The following SPARCL1 variants were observed in gnomAD, a reference collection of about 807,000 sequenced individuals.
SPARCL1 encodes the protein SPARC-like protein 1.
A neutral mutation model predicts 67.1 loss-of-function variants in SPARCL1; 52 were observed. That is an observed-to-expected ratio of 0.78 (90% CI 0.62 to 0.98). The LOEUF (loss-of-function observed/expected upper bound fraction) is 0.98. SPARCL1 is among the 50% of genes least tolerant of loss of function. The pLI is 0.00. For synonymous variants in SPARCL1, 226 were observed against 267.8 expected, an observed-to-expected ratio of 0.84 and a Z score of 1.52; for missense variants, 717 against 782.4, an observed-to-expected ratio of 0.92 and a Z score of 1.00.
chr4:87,478,572 G>A (rs376578483), intron 10 of SPARCL1, among the ~76,000 whole-genome samples: 42 of 151,936 alleles, frequency 2.8e-4, no homozygotes, highest in Admixed American at 7.9e-4. Context: ...CGAGTAGCTG[G>A]GATTACAGGC....
Position 87,482,483 on chromosome 4 carries a change from G to A in SPARCL1, c.1609C>T (p.Gln537Ter), listed in dbSNP as rs1334926011. 2 of 1,613,962 alleles carry A rather than the reference G, an allele frequency of 1.2e-6. No individual in the cohort carries two copies. Among genetic ancestry groups the A allele is most frequent in the South Asian group, 1.1e-5 (1 of 91,078 alleles). ...MRDWLKNILM[Q>*]LYEANSEHAG... ...TGTTCAGAGTTGGCTTCATAAAGCT[G>A]CATGAGGATATTCTTGAGCCAGTCT... Residue 537 changes from glutamine to a stop codon, truncating the protein, a stop_gained, in exon 8 of 11, where the codon CAG becomes TAG. Transcript: ENST00000282470. LOFTEE classifies it high-confidence loss of function.
chr4:87,473,668 C>T lies in SPARCL1; in HGVS notation c.*107G>A. 1.3e-6 allele frequency: 1 copy of T among 758,620 alleles called. No individual in the cohort carries two copies. The highest frequency in any genetic ancestry group is 2.2e-6 in the Non-Finnish European group (1 of 462,930). 47.0% of individuals were successfully genotyped at this position (758,620 alleles called of 1,614,324 possible). A position where few individuals can be genotyped will look rare whatever the true frequency, so the allele number is the denominator to read the frequency against. ...TACTCTCATTGTCTTGTCATACATG[C>T]TAACATTTTGCTAAATATAAATCTA... On this transcript the variant is annotated 3_prime_UTR_variant, in exon 11 of 11. Transcript: ENST00000282470.
At chr4:87,516,741 C>T (rs1016172313) in intron 1 of SPARCL1, among the ~76,000 whole-genome samples, 4 of 152,154 alleles carry the variant, frequency 2.6e-5, no homozygotes, top group African/African-American at 4.8e-5. Context: ...CTTGCTCAGG[C>T]GAAACTAGTC....
At chr4:87,525,762 A>C (rs1335551455) in intron 1 of SPARCL1, among the ~76,000 whole-genome samples, 3 of 152,178 alleles carry the variant, frequency 2.0e-5, no homozygotes, top group Non-Finnish European at 4.4e-5. Context: ...CTTCATTTCT[A>C]AAGAAGGATT....
chr4:87,494,116 A>G lies in SPARCL1; in HGVS notation c.684T>C (p.His228=), dbSNP rs371166454. The G allele has an allele frequency of 3.5e-5, 57 of 1,613,656 alleles. No homozygotes were observed. The highest frequency in any genetic ancestry group is 1.2e-4 in the Admixed American group (7 of 59,990). The change falls in exon 4 of 11, where the codon CAT becomes CAC. Residue 228 remains histidine, a synonymous_variant. Transcript: ENST00000282470. ...TGTCTTCCTCCTGCTTGCTGTTAGC[A>G]TGCTCCCTGGGCAATTCTGTCTTTC... is the stretch of plus-strand genomic sequence containing the variant. ...QERKTELPRE[H]ANSKQEEDNT... is the part of the protein sequence containing the mutation.
intron 1 of SPARCL1, among the ~76,000 whole-genome samples, chr4:87,504,291 T>G (rs1283282085): frequency 6.6e-6 from 1 of 152,014 alleles, no homozygotes; most frequent in Non-Finnish European, 1.5e-5. Flanking sequence ...GAAAAGGACA[T>G]GTACTTGGAG....
chr4:87,482,422 A>C lies in SPARCL1; in HGVS notation c.1668+2T>G. 1 of 1,613,108 alleles carries C rather than the reference A, an allele frequency of 6.2e-7. No individual in the cohort carries two copies. Among genetic ancestry groups the C allele is most frequent in the East Asian group, 2.2e-5 (1 of 44,886 alleles). ...GAAGAAGCTAACCTGTGGATAACTT[A>C]CTTTATTTCTCTGCTTCTCATTTAG... is the stretch of plus-strand genomic sequence containing the variant. On this transcript the variant is annotated splice_donor_variant, in intron 8 of 10. Transcript: ENST00000282470. LOFTEE classifies it high-confidence loss of function.
chr4:87,500,698 CA>C (rs1443881174), intron 1 of SPARCL1, among the ~76,000 whole-genome samples: 2 of 152,058 alleles, frequency 1.3e-5, no homozygotes, highest in African/African-American at 4.8e-5. Flanking sequence ...TATTTCTAAA[CA>C]ATGTGCTTAA....
chr4:87,525,008 C>T (rs755197563), intron 1 of SPARCL1, among the ~76,000 whole-genome samples: 2 of 151,838 alleles, frequency 1.3e-5, no homozygotes, highest in Non-Finnish European at 2.9e-5. Context: ...ACTAAAACAA[C>T]AAAAATCAGC....
chr4:87,480,977 C>T (rs1332452898), intron 8 of SPARCL1, among the ~76,000 whole-genome samples: 2 of 152,114 alleles, frequency 1.3e-5, no homozygotes, highest in Non-Finnish European at 2.9e-5. Context: ...CTTGCTTTCA[C>T]CCTGGTGTGT....
intron 1 of SPARCL1, among the ~76,000 whole-genome samples, chr4:87,516,564 C>A (rs1348271520): frequency 6.6e-6 from 1 of 152,148 alleles, no homozygotes; most frequent in African/African-American, 2.4e-5. Flanking sequence ...ACCATCCATG[C>A]ACTCCCATCT....
chr4:87,526,006 G>A (rs558601074), intron 1 of SPARCL1, among the ~76,000 whole-genome samples: 35 of 152,306 alleles, frequency 2.3e-4, no homozygotes, highest in African/African-American at 8.4e-4. Context: ...AATATCCCCT[G>A]GAGCAAGTCA....
At chr4:87,484,687 C>T (rs997542879) in intron 7 of SPARCL1, among the ~76,000 whole-genome samples, 2 of 152,076 alleles carry the variant, frequency 1.3e-5, no homozygotes, top group African/African-American at 2.4e-5. Flanking sequence ...ACCATTTTCA[C>T]GATATTGATT....
At chr4:87,526,789 G>A (rs72881058) in intron 1 of SPARCL1, among the ~76,000 whole-genome samples, 2,623 of 152,292 alleles carry the variant, frequency 0.017, 80 homozygotes, top group African/African-American at 0.059. Context: ...TTTCAATAGG[G>A]ACATATAGTT....
At chr4:87,496,762 C>T (rs1450291386) in intron 2 of SPARCL1, among the ~76,000 whole-genome samples, 3 of 152,174 alleles carry the variant, frequency 2.0e-5, no homozygotes, top group Non-Finnish European at 4.4e-5. Flanking sequence ...GATGGCCTAT[C>T]CAGGTGTAAG....
In SPARCL1 at chr4:87,505,736, T is replaced by TTC. The variant is rs1166914238; in HGVS notation, c.-11-6152_-11-6151insGA. 2.0e-5 allele frequency among the ~76,000 whole-genome samples: 3 copies of TTC among 151,462 alleles called. No individual in the cohort carries two copies. The East Asian group carries it at 5.8e-4, about 29-fold the overall frequency. ...TGCTCAGCTAATTGTTTTTTTTTTT[T>TTC]TTTGTAGAGATGGGGTCTTTCCATG... On this transcript the variant is annotated intron_variant, in intron 1 of 10. Transcript: ENST00000282470.
Position 87,493,855 on chromosome 4 carries a change from A to G in SPARCL1, c.945T>C (p.Thr315=). Residue 315 remains threonine, a synonymous_variant, in exon 4 of 11, where the codon ACT becomes ACC. Coordinates refer to ENST00000282470, the MANE Select transcript of SPARCL1 (RefSeq NM_004684.6). The part of the protein sequence containing the change: ...ISNHKETEEK[T]VSEALLMEPT... ...GTTCCATGAGCAGAGCCTCAGAAAC[A>G]GTCTTTTCTTCTGTCTCTTTGTGGT... 1 of 1,614,154 alleles carries G rather than the reference A, an allele frequency of 6.2e-7. No individual in the cohort carries two copies. Among genetic ancestry groups the G allele is most frequent in the Non-Finnish European group, 8.5e-7 (1 of 1,180,026 alleles).
At chr4:87,486,888 CTTTTTTTTTTTTTTTTTTTTTTTTTTT>C (rs57597004) in intron 7 of SPARCL1, among the ~76,000 whole-genome samples, 14 of 27,968 alleles carry the variant, frequency 5.0e-4, no homozygotes, top group South Asian at 1.4e-3. Context: ...GCAATTCCTG[CTTTTTTTTTTTTTTTTTTTTTTTTTTT>C]TTTTTTTTTT....
At chr4:87,487,916 G>A (rs939104714) in intron 7 of SPARCL1, among the ~76,000 whole-genome samples, 3 of 152,140 alleles carry the variant, frequency 2.0e-5, no homozygotes, top group Admixed American at 2.0e-4. Flanking sequence ...GCTTCACGAA[G>A]TTCTCGTGCT....
Sources: gnomAD v4.1 joint callset for allele counts (sites outside exome capture counted in the v4.1 genomes callset) on GRCh38, gnomAD v4.1.1 for gene constraint, MANE v1.5 for transcripts, NCBI Gene and HGNC (gene_info 2026-07-23, HGNC 2026-07-21) for gene names.